KIAA1217: variants seen among roughly 807,000 people sequenced by gnomAD.
The protein encoded by KIAA1217 is KIAA1217.
Under a neutral mutation model 163.9 loss-of-function variants are expected in KIAA1217, and 88 were observed. The observed-to-expected ratio is 0.54, with a 90% CI of 0.45 to 0.64. The LOEUF is 0.64. Among genes scored for constraint, KIAA1217 ranks in the 30% least tolerant of loss-of-function variants. The pLI, the probability that KIAA1217 is intolerant of heterozygous loss-of-function variation, is 0.00. For missense variants in KIAA1217, 2,372 were observed against 2,475.0 expected (o/e 0.96, Z 0.88); for synonymous variants, 903 against 923.1 (o/e 0.98, Z 0.39).
chr10:24,510,617 CT>C (rs2068968229), intron 9 of KIAA1217, among the ~76,000 whole-genome samples: 2 of 152,158 alleles, frequency 1.3e-5, no homozygotes, highest in African/African-American at 4.8e-5. Context: ...TCATTTTCCC[CT>C]CACAACCCTG....
intron 2 of KIAA1217, among the ~76,000 whole-genome samples, chr10:24,091,273 G>T (rs2061929341): frequency 6.6e-6 from 1 of 151,844 alleles, no homozygotes; most frequent in African/African-American, 2.4e-5. Flanking sequence ...TCTTAAAATG[G>T]CAACTTCTTA....
intron 1 of KIAA1217, among the ~76,000 whole-genome samples, chr10:23,740,122 G>C (rs924853041): frequency 6.6e-6 from 1 of 152,068 alleles, no homozygotes; most frequent in East Asian, 1.9e-4. Context: ...TGAAGCTCAG[G>C]GGAGAGGTCA....
chr10:23,929,752 G>A (rs1335542228), intron 1 of KIAA1217, among the ~76,000 whole-genome samples: 1 of 152,180 alleles, frequency 6.6e-6, no homozygotes, highest in Non-Finnish European at 1.5e-5. Context: ...TGTCAGTAGT[G>A]CTGCAATAAA....
chr10:23,965,067 G>T (rs754307591), intron 1 of KIAA1217, among the ~76,000 whole-genome samples: 2 of 152,250 alleles, frequency 1.3e-5, no homozygotes, highest in South Asian at 4.1e-4. Context: ...AACTATCACT[G>T]TGGAGTTGCA....
intron 2 of KIAA1217, among the ~76,000 whole-genome samples, chr10:24,170,988 T>C (rs1450824139): frequency 6.6e-6 from 1 of 152,200 alleles, no homozygotes; most frequent in Non-Finnish European, 1.5e-5. Flanking sequence ...CCAATGTTGT[T>C]TTCTAAACAC....
At chr10:24,196,025 G>C (rs919901932) in intron 2 of KIAA1217, among the ~76,000 whole-genome samples, 1 of 151,996 alleles carries the variant, frequency 6.6e-6, no homozygotes, top group African/African-American at 2.4e-5. Flanking sequence ...GTTCCAGCTA[G>C]TGGGAGGCTG....
intron 2 of KIAA1217, among the ~76,000 whole-genome samples, chr10:24,174,542 C>A (rs1318321049): frequency 6.6e-6 from 1 of 152,136 alleles, no homozygotes; most frequent in Non-Finnish European, 1.5e-5. Context: ...GGAAGGATCC[C>A]CACCTAGAGG....
chr10:24,117,377 T>C (rs556036480), intron 2 of KIAA1217, among the ~76,000 whole-genome samples: 8 of 152,244 alleles, frequency 5.3e-5, no homozygotes, highest in Admixed American at 2.0e-4. Context: ...TGGTGGCTCA[T>C]GCCTGTAATC....
At chr10:24,101,667 G>T (rs2062420850) in intron 2 of KIAA1217, among the ~76,000 whole-genome samples, 1 of 152,130 alleles carries the variant, frequency 6.6e-6, no homozygotes, top group Non-Finnish European at 1.5e-5. Flanking sequence ...TATTAGATTG[G>T]ACTATATGAA....
intron 9 of KIAA1217, among the ~76,000 whole-genome samples, chr10:24,509,631 A>G (rs752688527): frequency 1.3e-5 from 2 of 152,222 alleles, no homozygotes; most frequent in Non-Finnish European, 1.5e-5. Flanking sequence ...CTCATGCAGT[A>G]AGAAATCCAT....
chr10:24,260,586 CA>C (rs11352927), intron 2 of KIAA1217, among the ~76,000 whole-genome samples: 24,318 of 61,058 alleles, frequency 0.4, 1,772 homozygotes, highest in East Asian at 0.5. Context: ...CTCATCTCTA[CA>C]AAAAAAAAAA....
chr10:24,252,782 A>G (rs1462131206), intron 2 of KIAA1217, among the ~76,000 whole-genome samples: 2 of 152,122 alleles, frequency 1.3e-5, no homozygotes, highest in Non-Finnish European at 2.9e-5. Flanking sequence ...TCAGAATGTA[A>G]TGGTGGGAAG....
chr10:24,412,585 G>A (rs76027391), intron 3 of KIAA1217, among the ~76,000 whole-genome samples: 2,099 of 152,208 alleles, frequency 0.014, 48 homozygotes, highest in African/African-American at 0.046. Flanking sequence ...AGACACACCC[G>A]TCTCTTGGCT....
chr10:23,870,119 C>A (rs768324999), intron 1 of KIAA1217, among the ~76,000 whole-genome samples: 7 of 152,144 alleles, frequency 4.6e-5, no homozygotes, highest in African/African-American at 1.7e-4. Flanking sequence ...GCTATCTACC[C>A]GTTAAAAAGT....
intron 5 of KIAA1217, among the ~76,000 whole-genome samples, chr10:24,463,280 A>T (rs1307805372): frequency 2.6e-5 from 4 of 152,154 alleles, no homozygotes; most frequent in Non-Finnish European, 4.4e-5. Context: ...TCACTGTTGG[A>T]CCCAGGACTG....
chr10:23,978,938 A>C (rs1845651440), intron 1 of KIAA1217, among the ~76,000 whole-genome samples: 1 of 152,060 alleles, frequency 6.6e-6, no homozygotes, highest in South Asian at 2.1e-4. Flanking sequence ...GAGTAGTCTG[A>C]ATGTATTTTC....
intron 1 of KIAA1217, among the ~76,000 whole-genome samples, chr10:23,932,035 G>T (rs1843273785): frequency 6.6e-6 from 1 of 152,164 alleles, no homozygotes; most frequent in African/African-American, 2.4e-5. Context: ...CCGGCAGGGA[G>T]GGCAGGGAGA....
chr10:24,338,671 A>G (rs918458652), intron 2 of KIAA1217, among the ~76,000 whole-genome samples: 3 of 152,218 alleles, frequency 2.0e-5, no homozygotes, highest in African/African-American at 7.2e-5. Flanking sequence ...TTTTCACATA[A>G]TGTAAACGTA....
At chr10:24,405,174 GTGGGTT>G (rs1324866508) in intron 3 of KIAA1217, among the ~76,000 whole-genome samples, 1 of 152,168 alleles carries the variant, frequency 6.6e-6, no homozygotes, top group East Asian at 1.9e-4. Flanking sequence ...AATAAGCTCT[GTGGGTT>G]GCAGCAATGC....
Sources: allele counts gnomAD v4.1 joint callset (sites outside exome capture counted in the v4.1 genomes callset), GRCh38; gene constraint gnomAD v4.1.1; transcripts MANE v1.5; gene names NCBI Gene and HGNC (gene_info 2026-07-23, HGNC 2026-07-21).